The following MAST2 variants were observed in gnomAD, a reference collection of about 807,000 sequenced individuals.
The protein encoded by MAST2 is microtubule-associated serine/threonine-protein kinase 2.
Under a neutral mutation model 147.4 loss-of-function variants are expected in MAST2, and 70 were observed. The observed-to-expected ratio is 0.47, with a 90% CI of 0.39 to 0.58. The LOEUF (loss-of-function observed/expected upper bound fraction) is 0.58, where lower values mean the gene tolerates loss of function less well. MAST2 is among the 20% of genes least tolerant of loss of function. The pLI, the probability that MAST2 is intolerant of heterozygous loss-of-function variation, is 0.00. For missense variants in MAST2, 2,080 were observed against 2,302.3 expected (o/e 0.90, Z 1.98); for synonymous variants, 869 against 896.8 (o/e 0.97, Z 0.55).
intron 4 of MAST2, among the ~76,000 whole-genome samples, chr1:45,884,552 A>AAAAT (rs776012286): frequency 2.0e-4 from 31 of 152,230 alleles, no homozygotes; most frequent in Middle Eastern, 3.4e-3. Context: ...GCGCCGTCAA[A>AAAAT]AAATAAATAA....
chr1:45,882,303 G>A, intron 3 of MAST2, 61 bp from the exon 4 acceptor site: 1 of 1,114,128 alleles, frequency 9.0e-7, no homozygotes, highest in Non-Finnish European at 1.4e-6. Context: ...AGGACATTTA[G>A]GTAGACCAAC....
chr1:46,031,500 C>T lies in MAST2; in HGVS notation c.3102C>T (p.Asp1034=). The T allele has an allele frequency of 6.2e-7, 1 of 1,614,164 alleles. No homozygotes were observed. The highest frequency in any genetic ancestry group is 2.2e-5 in the East Asian group (1 of 44,880). Reference sequence around the variant, plus strand: ...CCCGCCACCGGCTGCTCTCTGGGGACTCAACAGAGAAGCGCACTGCTCGCC... The same window carrying T: ...CCCGCCACCGGCTGCTCTCTGGGGATTCAACAGAGAAGCGCACTGCTCGCC... The part of the protein sequence containing the change: ...RRARHRLLSG[D]STEKRTARPV... Residue 1034 remains aspartate (D), a synonymous_variant, in exon 24 of 29, where the codon GAC becomes GAT. Transcript: ENST00000361297. This position sits in a 1 kb window ranked among gnomAD's most constrained non-coding sequence, Gnocchi z 4.1.
At position 46,030,174 on chromosome 1, in the gene MAST2, A is replaced by G. The variant is rs762883429; in HGVS notation, c.2489A>G (p.Glu830Gly). The part of the protein sequence containing the change: ...YHHMDSEDEE[E>G]VSEDGCLEIR... ...CACATGGACTCGGAGGATGAGGAAG[A>G]AGTGAGTGAGGATGGCTGCCTTGAG... Residue 830 changes from glutamate (E) to glycine (G), a missense_variant, in exon 21 of 29, where the codon GAA becomes GGA. This residue lies in a region of MAST2 where 1,278 missense variants were observed against 1,304.2 expected (regional missense o/e 0.98). Transcript: ENST00000361297. 6.8e-6 allele frequency: 11 copies of G among 1,614,238 alleles called. No homozygotes were observed. The highest frequency in any genetic ancestry group is 2.2e-5 in the East Asian group (1 of 44,886).
intron 4 of MAST2, among the ~76,000 whole-genome samples, chr1:45,896,243 C>T (rs983632043): frequency 3.3e-5 from 5 of 152,116 alleles, no homozygotes; most frequent in Admixed American, 2.0e-4. Flanking sequence ...ATTGGCCAGG[C>T]TAGTCTCGAA....
intron 4 of MAST2, among the ~76,000 whole-genome samples, chr1:45,932,918 CT>C (rs769167467): frequency 3.3e-5 from 5 of 151,918 alleles, no homozygotes; most frequent in Non-Finnish European, 7.4e-5. Context: ...AGCCCTTGAG[CT>C]TTTTCTCTAG....
chr1:45,899,117 G>A lies in MAST2; in HGVS notation c.500+16722G>A, dbSNP rs529908113. ...GCAATTCAGCCCACCAAGCAGATCT[G>A]TTTTTACCTTCTTTGATCAGAGGAG... On this transcript the variant is annotated intron_variant, in intron 4 of 28. Coordinates refer to ENST00000361297, the MANE Select transcript of MAST2 (RefSeq NM_015112.3). Among the ~76,000 whole-genome samples the A allele has an allele frequency of 3.9e-5, 6 of 152,202 alleles. No homozygotes were observed. In the South Asian group the frequency reaches 1.2e-3, roughly 32 times the overall value.
intron 5 of MAST2, among the ~76,000 whole-genome samples, chr1:45,962,039 C>G (rs547042598): frequency 6.6e-6 from 1 of 151,498 alleles, no homozygotes; most frequent in East Asian, 1.9e-4. Flanking sequence ...TTTGTCCTTG[C>G]GATAGTTTGC....
intron 3 of MAST2, among the ~76,000 whole-genome samples, chr1:45,849,530 CTT>C (rs71062718): frequency 2.3e-3 from 318 of 138,562 alleles, no homozygotes; most frequent in Admixed American, 5.0e-3. Flanking sequence ...CCCCTCTTTT[CTT>C]TTTTTTTTTT....
At chr1:45,826,965 A>T (rs756531074) in intron 2 of MAST2, among the ~76,000 whole-genome samples, 1 of 151,832 alleles carries the variant, frequency 6.6e-6, no homozygotes, top group African/African-American at 2.4e-5. Context: ...AGTAGCTGGG[A>T]CTACAGGTGC....
intron 4 of MAST2, among the ~76,000 whole-genome samples, chr1:45,949,924 A>G (rs1658683759): frequency 6.6e-6 from 1 of 152,224 alleles, no homozygotes; most frequent in African/African-American, 2.4e-5. Flanking sequence ...GAGAACATGG[A>G]TGGAGCTGGA....
chr1:45,885,422 G>C (rs931394373), intron 4 of MAST2, among the ~76,000 whole-genome samples: 1 of 152,140 alleles, frequency 6.6e-6, no homozygotes, highest in Non-Finnish European at 1.5e-5. Context: ...TGCTTTTCAC[G>C]TAATATGTTA....
intron 1 of MAST2, among the ~76,000 whole-genome samples, chr1:45,823,341 T>C (rs1020819957): frequency 1.3e-4 from 19 of 148,224 alleles, no homozygotes; most frequent in African/African-American, 1.7e-4. Context: ...TATTCTCTTT[T>C]TTTTTTTTTT....
intron 3 of MAST2, among the ~76,000 whole-genome samples, chr1:45,861,027 C>T (rs923535344): frequency 6.6e-6 from 1 of 152,148 alleles, no homozygotes; most frequent in Non-Finnish European, 1.5e-5. Flanking sequence ...TAGGTAACCT[C>T]CTCACTACAA....
At chr1:45,877,069 TA>T (rs1255300779) in intron 3 of MAST2, among the ~76,000 whole-genome samples, 3 of 152,150 alleles carry the variant, frequency 2.0e-5, no homozygotes, top group African/African-American at 4.8e-5. Flanking sequence ...CGTGCTGCTA[TA>T]AAAAAATACC....
At chr1:45,830,391 T>G (rs546457184) in intron 3 of MAST2, among the ~76,000 whole-genome samples, 4 of 152,000 alleles carry the variant, frequency 2.6e-5, no homozygotes, top group African/African-American at 4.8e-5. Context: ...GCCAGGCTGG[T>G]CTTGAACTCC....
chr1:46,027,809 G>C lies in MAST2; in HGVS notation c.1998G>C (p.Thr666=). 1 of 1,614,142 alleles carries C rather than the reference G, an allele frequency of 6.2e-7. No individual in the cohort carries two copies. The highest frequency in any genetic ancestry group is 8.5e-7 in the Non-Finnish European group (1 of 1,180,012). ...AAATTGGCCTCATGAGTCTGACAAC[G>C]AACTTGTATGAGGGTCATATTGAAA... ...LSKIGLMSLT[T]NLYEGHIEKD... The change falls in exon 17 of 29, where the codon ACG becomes ACC. Residue 666 remains threonine, a synonymous_variant. Coordinates refer to ENST00000361297, the MANE Select transcript of MAST2 (RefSeq NM_015112.3).
At chr1:45,852,616 C>T (rs910507218) in intron 3 of MAST2, among the ~76,000 whole-genome samples, 10 of 152,016 alleles carry the variant, frequency 6.6e-5, no homozygotes, top group African/African-American at 1.9e-4. Flanking sequence ...AGTGATCCTC[C>T]TCCCTCAGCC....
chr1:45,963,148 G>A (rs1231216733), intron 5 of MAST2, among the ~76,000 whole-genome samples: 2 of 152,214 alleles, frequency 1.3e-5, no homozygotes, highest in Non-Finnish European at 2.9e-5. Flanking sequence ...CCAGTACCAT[G>A]CTGTTTTGGT....
intron 4 of MAST2, among the ~76,000 whole-genome samples, chr1:45,923,488 G>A (rs535341207): frequency 6.6e-6 from 1 of 152,152 alleles, no homozygotes; most frequent in Non-Finnish European, 1.5e-5. Flanking sequence ...AAATGTAAAG[G>A]TCATTTGCTT....
Sources: allele counts gnomAD v4.1 joint callset (sites outside exome capture counted in the v4.1 genomes callset), GRCh38; gene constraint gnomAD v4.1.1; regional missense constraint gnomAD v4.1.1; non-coding constraint Gnocchi (gnomAD v3.1); transcripts MANE v1.5; gene names NCBI Gene and HGNC (gene_info 2026-07-23, HGNC 2026-07-21).